The following SH2D6 variants were observed in gnomAD, a reference collection of about 807,000 sequenced individuals.
SH2D6 encodes the protein SH2 domain-containing protein 6.
In SH2D6, 31 loss-of-function variants were observed where a neutral mutation model predicts 30.2. The ratio of observed to expected loss-of-function variants is 1.03; its 90% CI spans 0.77 to 1.38. SH2D6 has a LOEUF of 1.38. Among genes scored for constraint, SH2D6 ranks in the 40% most tolerant of loss-of-function variants. The probability of loss-of-function intolerance (pLI) is 0.00; values close to 1 mark genes in which losing one functional copy is unlikely to be tolerated. For missense variants in SH2D6, 240 were observed against 266.8 expected, an observed-to-expected ratio of 0.90 and a Z score of 0.70; for synonymous variants, 93 against 104.6, an observed-to-expected ratio of 0.89 and a Z score of 0.68.
chr2:85,433,689 C>A, intron 16 of SH2D6, 58 bp downstream of exon 16: 1 of 1,054,432 alleles, frequency 9.5e-7, no homozygotes, highest in Non-Finnish European at 1.2e-6. Context: ...CTGCTCACAG[C>A]ACAACACACT....
chr2:85,420,150 G>GC (rs1175608552), intron 2 of SH2D6, among the ~76,000 whole-genome samples: 2 of 152,084 alleles, frequency 1.3e-5, no homozygotes, highest in Admixed American at 6.6e-5. Context: ...TGTCTCCCAG[G>GC]CTGGAGTGCA....
chr2:85,429,259 G>A (rs1482769056), intron 7 of SH2D6, 113 bp from the exon 8 acceptor site: 1 of 152,342 alleles, frequency 6.6e-6, no homozygotes, highest in Non-Finnish European at 1.5e-5. Flanking sequence ...ACCACAGCTG[G>A]GGGAGGCCCG....
intron 14 of SH2D6, among the ~76,000 whole-genome samples, chr2:85,432,474 A>G (rs562584979): frequency 6.6e-6 from 1 of 151,254 alleles, no homozygotes; most frequent in African/African-American, 2.4e-5. Context: ...ATCTCGGCTC[A>G]CTGCAGGCTC....
At chr2:85,420,023 T>C (rs1237042718) in intron 2 of SH2D6, among the ~76,000 whole-genome samples, 3 of 152,142 alleles carry the variant, frequency 2.0e-5, no homozygotes, top group Non-Finnish European at 4.4e-5. Context: ...AGAGGAGAGA[T>C]AGGTACCATA....
Position 85,419,153 on chromosome 2 carries a change from C to G in SH2D6, c.-668C>G, listed in dbSNP as rs75817601. 3,724 of 152,544 alleles carry G rather than the reference C, an allele frequency of 0.024. 71 individuals are homozygous for G. Among genetic ancestry groups the G allele is most frequent in the African/African-American group, 0.054 (2,253 of 41,598 alleles). 9.4% of individuals were successfully genotyped at this position (152,544 alleles called of 1,614,324 possible). ...CGGGGAAGGCCTGGGTCCTCCAGGT[C>G]AGGGATGTAGGTCCCAGGGTGTGCA... On this transcript the variant is annotated 5_prime_UTR_variant, in exon 2 of 24. Coordinates refer to ENST00000469800, the MANE Select transcript of SH2D6 (RefSeq NM_001394463.1).
chr2:85,429,267 CCGCCTAGGGGAGGCT>C (rs1207539366), intron 7 of SH2D6, 90 bp from the exon 8 acceptor site: 1 of 152,316 alleles, frequency 6.6e-6, no homozygotes, highest in Non-Finnish European at 1.5e-5. Context: ...TGGGGGAGGC[CCGCCTAGGGGAGGCT>C]CAGAGACCTG....
In SH2D6 at chr2:85,425,968, A is replaced by G. The variant is rs561439403; in HGVS notation, c.-209+561A>G. ...GGGAAGGCCTCACCTGGCTTCTGCAATTGGAAACGAGGATTCATGAGGCGG... is the reference window on the plus strand; with the variant it reads ...GGGAAGGCCTCACCTGGCTTCTGCAGTTGGAAACGAGGATTCATGAGGCGG... On this transcript the variant is annotated intron_variant, in intron 6 of 23. Transcript: ENST00000469800. Among the ~76,000 whole-genome samples, 31 of 152,286 alleles carry G rather than the reference A, an allele frequency of 2.0e-4. 2 individuals are homozygous for G. Among genetic ancestry groups the G allele is most frequent in the African/African-American group, 6.7e-4 (28 of 41,552 alleles).
chr2:85,420,491 A>G (rs1267820452), intron 2 of SH2D6, among the ~76,000 whole-genome samples: 1 of 152,238 alleles, frequency 6.6e-6, no homozygotes, highest in Non-Finnish European at 1.5e-5. Context: ...GCTTCGCACC[A>G]GACCCTCAAG....
chr2:85,424,312 C>T (rs910920094), intron 5 of SH2D6, among the ~76,000 whole-genome samples: 1 of 152,246 alleles, frequency 6.6e-6, no homozygotes, highest in Non-Finnish European at 1.5e-5. Flanking sequence ...TGGCCTCCCG[C>T]TCCCTGGCCC....
chr2:85,419,140 G>C lies in SH2D6; in HGVS notation c.-681G>C, dbSNP rs1276824950. The C allele has an allele frequency of 6.6e-6, 1 of 152,456 alleles. No homozygotes were observed. The highest frequency in any genetic ancestry group is 1.5e-5 in the Non-Finnish European group (1 of 68,214). 9.4% of individuals were successfully genotyped at this position (152,456 alleles called of 1,614,324 possible). On this transcript the variant is annotated 5_prime_UTR_variant, in exon 2 of 24. Coordinates refer to ENST00000469800, the MANE Select transcript of SH2D6 (RefSeq NM_001394463.1). ...TCGTGGTGAAGCCCGGGGAAGGCCTGGGTCCTCCAGGTCAGGGATGTAGGT... is the reference window on the plus strand; with the variant it reads ...TCGTGGTGAAGCCCGGGGAAGGCCTCGGTCCTCCAGGTCAGGGATGTAGGT...
At chr2:85,423,854 G>A (rs190999771) in intron 5 of SH2D6, among the ~76,000 whole-genome samples, 3 of 152,312 alleles carry the variant, frequency 2.0e-5, no homozygotes, top group East Asian at 3.9e-4. Flanking sequence ...GCTGTCCCCC[G>A]GGATTGCCCC....
intron 22 of SH2D6, 133 bp downstream of exon 22, chr2:85,435,957 A>G (rs1689408321): frequency 7.9e-7 from 1 of 1,260,114 alleles, no homozygotes; most frequent in African/African-American, 1.5e-5. Context: ...CAGAGCCCAG[A>G]GCCCTGAACT....
intron 3 of SH2D6, 22 bp from the exon 4 acceptor site, chr2:85,422,408 A>G (rs1404107153): frequency 6.6e-6 from 1 of 152,194 alleles, no homozygotes; most frequent in East Asian, 1.9e-4. Flanking sequence ...ATATCTAGAA[A>G]TTCCACTAAA....
chr2:85,432,425 G>A (rs1378800473), intron 14 of SH2D6, among the ~76,000 whole-genome samples: 2 of 149,264 alleles, frequency 1.3e-5, no homozygotes, highest in Non-Finnish European at 3.0e-5. Context: ...TTTTTGAGAC[G>A]GAGTCTTGCT....
In SH2D6 at chr2:85,419,902, C is replaced by T. The variant is rs146543788; in HGVS notation, c.-577+658C>T. Among the ~76,000 whole-genome samples, 234 of 152,252 alleles carry T rather than the reference C, an allele frequency of 1.5e-3. 1 individual carries two copies. The highest frequency in any genetic ancestry group is 5.5e-3 in the African/African-American group (228 of 41,536). On this transcript the variant is annotated intron_variant, in intron 2 of 23. Transcript: ENST00000469800. ...ATGTGGGGTTCATATTAACTGGTCGCGTGGTCTCTAAGCATGCCTATTTCT... is the reference window on the plus strand; with the variant it reads ...ATGTGGGGTTCATATTAACTGGTCGTGTGGTCTCTAAGCATGCCTATTTCT...
chr2:85,436,693 A>C, intron 23 of SH2D6, 99 bp downstream of exon 23: 2 of 887,538 alleles, frequency 2.3e-6, no homozygotes, highest in Non-Finnish European at 3.7e-6. Flanking sequence ...AGCCTTTCCC[A>C]GTGCCCACAA....
chr2:85,433,522 C>A, intron 15 of SH2D6, 49 bp from the exon 16 acceptor site: 1 of 948,970 alleles, frequency 1.1e-6, no homozygotes, highest in Non-Finnish European at 1.3e-6. Flanking sequence ...CTAAATGGAG[C>A]CTCAGGACTG....
chr2:85,424,936 C>T (rs369458629), intron 5 of SH2D6, among the ~76,000 whole-genome samples: 5 of 152,138 alleles, frequency 3.3e-5, no homozygotes, highest in Admixed American at 2.0e-4. Context: ...CATGGTGATG[C>T]GCGCCTGTGG....
intron 2 of SH2D6, among the ~76,000 whole-genome samples, chr2:85,419,856 C>T (rs1364400334): frequency 6.6e-6 from 1 of 152,176 alleles, no homozygotes; most frequent in Non-Finnish European, 1.5e-5. Context: ...AAGTAGATTG[C>T]CCAGATTCTC....
Sources: gnomAD v4.1 joint callset for allele counts (sites outside exome capture counted in the v4.1 genomes callset) on GRCh38, gnomAD v4.1.1 for gene constraint, MANE v1.5 for transcripts, NCBI Gene and HGNC (gene_info 2026-07-23, HGNC 2026-07-21) for gene names.